CNTN4: variants seen among roughly 807,000 people sequenced by gnomAD.
CNTN4 encodes the protein contactin 4, also known as contactin-4.
CNTN4 carries 77 observed loss-of-function variants against 122.5 expected under a neutral mutation model. The ratio of observed to expected loss-of-function variants is 0.63; its 90% CI spans 0.52 to 0.76. The LOEUF (loss-of-function observed/expected upper bound fraction) is 0.76. CNTN4 is among the 30% of genes least tolerant of loss of function. The probability of loss-of-function intolerance (pLI) is 0.00; values close to 1 mark genes in which losing one functional copy is unlikely to be tolerated. For synonymous variants in CNTN4, 512 were observed against 447.0 expected (o/e 1.15, Z -1.83); for missense variants, 1,256 against 1,259.1 (o/e 1.00, Z 0.04).
At chr3:2,139,636 A>T (rs2034893123) in intron 2 of CNTN4, among the ~76,000 whole-genome samples, 1 of 152,216 alleles carries the variant, frequency 6.6e-6, no homozygotes, top group Admixed American at 6.5e-5. Flanking sequence ...TATCACTGAA[A>T]TTCTAATGTG....
chr3:2,836,927 T>C (rs927896466), intron 7 of CNTN4, among the ~76,000 whole-genome samples: 1 of 152,036 alleles, frequency 6.6e-6, no homozygotes, highest in Non-Finnish European at 1.5e-5. Context: ...ATAAAAAAGA[T>C]ACTTCTATAA....
At chr3:2,280,828 G>A (rs1335119396) in intron 2 of CNTN4, among the ~76,000 whole-genome samples, 1 of 152,158 alleles carries the variant, frequency 6.6e-6, no homozygotes, top group Non-Finnish European at 1.5e-5. Flanking sequence ...CCTGACAGAA[G>A]TTGGAAACAT....
At chr3:2,604,771 A>G (rs2081190073) in intron 4 of CNTN4, among the ~76,000 whole-genome samples, 1 of 152,192 alleles carries the variant, frequency 6.6e-6, no homozygotes, top group Admixed American at 6.5e-5. Context: ...TGAAACCATC[A>G]TCACAATCAA....
At chr3:2,539,662 A>G (rs2077953630) in intron 3 of CNTN4, among the ~76,000 whole-genome samples, 1 of 152,126 alleles carries the variant, frequency 6.6e-6, no homozygotes, top group Non-Finnish European at 1.5e-5. Context: ...TAGGTTTATG[A>G]ATTTGATTTC....
intron 3 of CNTN4, among the ~76,000 whole-genome samples, chr3:2,525,417 G>A (rs1053331952): frequency 2.0e-5 from 3 of 151,990 alleles, no homozygotes; most frequent in Non-Finnish European, 2.9e-5. Flanking sequence ...TTATATTGTC[G>A]GTAAATTTCA....
At chr3:2,505,523 T>C (rs986612238) in intron 3 of CNTN4, among the ~76,000 whole-genome samples, 1 of 152,234 alleles carries the variant, frequency 6.6e-6, no homozygotes, top group East Asian at 1.9e-4. Flanking sequence ...ATACATTTGC[T>C]TTATTTTTAT....
At chr3:2,392,502 T>C (rs527448333) in intron 3 of CNTN4, among the ~76,000 whole-genome samples, 11 of 152,306 alleles carry the variant, frequency 7.2e-5, no homozygotes, top group Admixed American at 3.3e-4. Flanking sequence ...ATTTCTTTTT[T>C]TTCATTTTAT....
At chr3:2,719,866 G>C (rs2675284) in intron 4 of CNTN4, among the ~76,000 whole-genome samples, 8,526 of 152,204 alleles carry the variant, frequency 0.056, 586 homozygotes, top group African/African-American at 0.16. Flanking sequence ...TAGTTGACAA[G>C]TAATCAGGAT....
At chr3:2,987,426 A>G (rs1694681390) in intron 13 of CNTN4, among the ~76,000 whole-genome samples, 2 of 152,238 alleles carry the variant, frequency 1.3e-5, no homozygotes, top group Admixed American at 1.3e-4. Flanking sequence ...GGACAAGGGT[A>G]GAAATAGGCA....
At chr3:2,957,258 T>C (rs920714760) in intron 13 of CNTN4, among the ~76,000 whole-genome samples, 1 of 152,188 alleles carries the variant, frequency 6.6e-6, no homozygotes, top group Non-Finnish European at 1.5e-5. Context: ...CTATCAGCAG[T>C]GTACAAGTGT....
chr3:2,324,922 C>G (rs1299798439), intron 2 of CNTN4, among the ~76,000 whole-genome samples: 1 of 152,090 alleles, frequency 6.6e-6, no homozygotes, highest in Non-Finnish European at 1.5e-5. Context: ...GCTGCAATTT[C>G]TTTTTGAAAA....
chr3:3,037,245 A>G lies in CNTN4; in HGVS notation c.2009A>G (p.Tyr670Cys). ...GTGGGTTTGAACCCTTGGGTTGAAT[A>G]TGAATTCCGCACAGTTGCAGCCAAC... ...TVVGLNPWVEYEFRTVAANVI... is the reference protein window; with the variant it reads ...TVVGLNPWVECEFRTVAANVI... Residue 670 changes from tyrosine to cysteine, a missense_variant, in exon 18 of 25, where the codon TAT (tyrosine) becomes TGT (cysteine). By Grantham distance (194) the Tyr-to-Cys change is radical. Coordinates refer to ENST00000418658, the MANE Select transcript of CNTN4 (RefSeq NM_175607.3). 1 of 1,614,202 alleles carries G rather than the reference A, an allele frequency of 6.2e-7. No individual in the cohort carries two copies. The highest frequency in any genetic ancestry group is 1.3e-5 in the African/African-American group (1 of 75,046).
intron 2 of CNTN4, among the ~76,000 whole-genome samples, chr3:2,123,770 C>A (rs1018035435): frequency 2.0e-5 from 3 of 152,172 alleles, no homozygotes; most frequent in Non-Finnish European, 4.4e-5. Context: ...ACTTACAGCT[C>A]TTGTCCTGCA....
intron 14 of CNTN4, among the ~76,000 whole-genome samples, chr3:2,997,174 TA>T: frequency 6.6e-6 from 1 of 152,336 alleles, no homozygotes; most frequent in South Asian, 2.1e-4. Context: ...AATTGTGTAA[TA>T]AATAAAGAGA....
intron 2 of CNTN4, among the ~76,000 whole-genome samples, chr3:2,298,646 GA>G (rs749910642): frequency 2.6e-5 from 4 of 152,048 alleles, no homozygotes; most frequent in East Asian, 3.9e-4. Context: ...ATATGTGGAG[GA>G]AAAATCATAT....
chr3:2,609,561 G>A (rs2081395061), intron 4 of CNTN4, among the ~76,000 whole-genome samples: 1 of 152,160 alleles, frequency 6.6e-6, no homozygotes, highest in Non-Finnish European at 1.5e-5. Context: ...TAAAATATAG[G>A]TAGTTCTCAA....
chr3:2,912,165 A>G (rs1337186278), intron 12 of CNTN4, among the ~76,000 whole-genome samples: 1 of 152,214 alleles, frequency 6.6e-6, no homozygotes, highest in Non-Finnish European at 1.5e-5. Context: ...GTCAGAGACC[A>G]AAAGAAAATC....
intron 6 of CNTN4, among the ~76,000 whole-genome samples, chr3:2,756,199 T>A (rs1258947238): frequency 6.6e-6 from 1 of 152,224 alleles, no homozygotes; most frequent in Non-Finnish European, 1.5e-5. Context: ...GAATGGTACC[T>A]GCTATAGACT....
chr3:2,201,714 CT>C (rs1488288193), intron 2 of CNTN4, among the ~76,000 whole-genome samples: 1 of 152,106 alleles, frequency 6.6e-6, no homozygotes, highest in Non-Finnish European at 1.5e-5. Context: ...CTTGAGAATC[CT>C]TCAGCTGGCA....
Sources: allele counts gnomAD v4.1 joint callset (sites outside exome capture counted in the v4.1 genomes callset), GRCh38; gene constraint gnomAD v4.1.1; transcripts MANE v1.5; gene names NCBI Gene and HGNC (gene_info 2026-07-23, HGNC 2026-07-21).